Variants in EPHA6 observed in about 807,000 individuals in gnomAD.
EPHA6 encodes the protein EPH receptor A6, also known as ephrin type-A receptor 6.
A neutral mutation model predicts 112.0 loss-of-function variants in EPHA6; 50 were observed. That is an observed-to-expected ratio of 0.45 (90% CI 0.36 to 0.56). The LOEUF (loss-of-function observed/expected upper bound fraction) is 0.56, where lower values mean the gene tolerates loss of function less well. Among genes scored for constraint, EPHA6 ranks in the 20% least tolerant of loss-of-function variants. The pLI, the probability that EPHA6 is intolerant of heterozygous loss-of-function variation, is 0.00. For missense variants in EPHA6, 1,280 were observed against 1,417.4 expected, an observed-to-expected ratio of 0.90 and a Z score of 1.56; for synonymous variants, 529 against 490.7, an observed-to-expected ratio of 1.08 and a Z score of -1.03.
At chr3:97,237,059 A>G (rs748272510) in intron 4 of EPHA6, among the ~76,000 whole-genome samples, 1 of 151,850 alleles carries the variant, frequency 6.6e-6, no homozygotes, top group African/African-American at 2.4e-5. Flanking sequence ...CCATCTCACA[A>G]CTGAAATTCA....
chr3:96,857,653 AT>A (rs145710317), intron 1 of EPHA6, among the ~76,000 whole-genome samples: 4,255 of 151,912 alleles, frequency 0.028, 192 homozygotes, highest in African/African-American at 0.095. Flanking sequence ...TTGTCTTAAT[AT>A]TTTTTTTAAG....
chr3:97,455,957 A>G (rs1269821929), intron 7 of EPHA6, among the ~76,000 whole-genome samples: 1 of 152,086 alleles, frequency 6.6e-6, no homozygotes, highest in Non-Finnish European at 1.5e-5. Context: ...AGACCTTAAT[A>G]TGAAAAATAT....
intron 2 of EPHA6, among the ~76,000 whole-genome samples, chr3:96,937,653 T>G (rs1381208008): frequency 5.3e-5 from 8 of 152,202 alleles, no homozygotes; most frequent in Non-Finnish European, 1.0e-4. Flanking sequence ...TGTCATTGCT[T>G]GTGGTGTTTT....
At chr3:96,920,647 G>A (rs528828207) in intron 2 of EPHA6, among the ~76,000 whole-genome samples, 298 of 152,018 alleles carry the variant, frequency 2.0e-3, no homozygotes, top group African/African-American at 6.8e-3. Context: ...AGGATTGTGT[G>A]TGTGTGTATG....
In EPHA6 at chr3:97,629,221, C is replaced by T. The variant is rs184423742; in HGVS notation, c.2575-8652C>T. Among the ~76,000 whole-genome samples, 382 of 152,122 alleles carry T rather than the reference C, an allele frequency of 2.5e-3. 3 individuals carry two copies. The highest frequency in any genetic ancestry group is 9.0e-3 in the African/African-American group (374 of 41,532). On this transcript the variant is annotated intron_variant, in intron 13 of 17. Transcript: ENST00000389672. ...GGGATTAGAGATGTGAGCCACCATG[C>T]CTGGCCAACTGTTTTTAAGCCATAA...
At chr3:97,629,028 G>T (rs1004897125) in intron 13 of EPHA6, among the ~76,000 whole-genome samples, 1 of 151,880 alleles carries the variant, frequency 6.6e-6, no homozygotes, top group African/African-American at 2.4e-5. Context: ...AAACTTCTGG[G>T]CTTGAAATTC....
At chr3:96,913,210 A>ACACC (rs1553728909) in intron 2 of EPHA6, among the ~76,000 whole-genome samples, 19 of 117,532 alleles carry the variant, frequency 1.6e-4, no homozygotes, top group Non-Finnish European at 3.1e-4. Flanking sequence ...ACACACACAC[A>ACACC]CACCACACAC....
chr3:97,637,302 ACT>A (rs2093955031), intron 13 of EPHA6, among the ~76,000 whole-genome samples: 1 of 149,436 alleles, frequency 6.7e-6, no homozygotes, highest in Non-Finnish European at 1.5e-5. Flanking sequence ...AAAATGGAAA[ACT>A]CTATTTCTTT....
rs1194653518 is a variant in EPHA6 at position 96,938,115 on chromosome 3, T to G, written c.451-49215T>G. Among the ~76,000 whole-genome samples, 6 of 151,518 alleles carry G rather than the reference T, an allele frequency of 4.0e-5. No homozygotes were observed. In the South Asian group the frequency reaches 1.0e-3, roughly 26 times the overall value. ...GGCTCTTTTTTGGTTCCATATGAAC[T>G]TTAAAGTAGTTTTTTCCAATTCTGT... On this transcript the variant is annotated intron_variant, in intron 2 of 17. Coordinates refer to ENST00000389672, the MANE Select transcript of EPHA6 (RefSeq NM_001080448.3).
At position 97,605,782 on chromosome 3, in the gene EPHA6, G is replaced by C. The variant is rs185795348; in HGVS notation, c.2513-5011G>C. ...AGAATAGTTTAATTCTGTGAAAAAT[G>C]AGGTTGGTAATTTGATGGGAATAAC... On this transcript the variant is annotated intron_variant, in intron 12 of 17. Transcript: ENST00000389672. 1.8e-3 allele frequency among the ~76,000 whole-genome samples: 279 copies of C among 151,680 alleles called. 1 individual carries two copies. The highest frequency in any genetic ancestry group is 6.5e-3 in the African/African-American group (268 of 41,494).
intron 2 of EPHA6, among the ~76,000 whole-genome samples, chr3:96,970,708 G>A (rs1316452861): frequency 1.3e-5 from 2 of 152,084 alleles, no homozygotes; most frequent in African/African-American, 2.4e-5. Flanking sequence ...CAACGTCCTT[G>A]TCCTAACAGA....
At chr3:97,267,555 GA>G (rs545647673) in intron 5 of EPHA6, among the ~76,000 whole-genome samples, 1 of 151,754 alleles carries the variant, frequency 6.6e-6, no homozygotes, top group African/African-American at 2.4e-5. Context: ...ATGCATAAAC[GA>G]AAAAAATCTT....
intron 2 of EPHA6, among the ~76,000 whole-genome samples, chr3:96,902,306 T>C (rs1002689420): frequency 2.0e-5 from 3 of 152,172 alleles, no homozygotes; most frequent in Non-Finnish European, 4.4e-5. Context: ...AAACAGAAAG[T>C]ATTTAAAACA....
intron 2 of EPHA6, among the ~76,000 whole-genome samples, chr3:96,922,172 G>C (rs1437824550): frequency 1.3e-5 from 2 of 152,096 alleles, no homozygotes; most frequent in African/African-American, 4.8e-5. Flanking sequence ...TTCATTTTCT[G>C]GTAGGAACTC....
intron 3 of EPHA6, among the ~76,000 whole-genome samples, chr3:97,048,907 G>A (rs2045597503): frequency 6.6e-6 from 1 of 152,208 alleles, no homozygotes; most frequent in Non-Finnish European, 1.5e-5. Flanking sequence ...GCAGGGGGAT[G>A]TGCAGTTTTA....
intron 14 of EPHA6, among the ~76,000 whole-genome samples, chr3:97,663,469 T>C (rs1385648915): frequency 6.6e-6 from 1 of 151,880 alleles, no homozygotes; most frequent in Non-Finnish European, 1.5e-5. Flanking sequence ...TATCTCCTAA[T>C]GCTATCGCTC....
intron 5 of EPHA6, among the ~76,000 whole-genome samples, chr3:97,375,135 C>T (rs1047953682): frequency 6.6e-6 from 1 of 152,110 alleles, no homozygotes; most frequent in Non-Finnish European, 1.5e-5. Flanking sequence ...CAAAACCTGC[C>T]AGCTCATGAA....
intron 3 of EPHA6, among the ~76,000 whole-genome samples, chr3:97,032,520 C>A (rs1232217903): frequency 6.6e-6 from 1 of 150,820 alleles, no homozygotes. Context: ...AAATATGAGT[C>A]ACTATCTTAA....
chr3:96,865,598 C>A (rs2107449397), intron 1 of EPHA6, among the ~76,000 whole-genome samples: 1 of 150,952 alleles, frequency 6.6e-6, no homozygotes, highest in East Asian at 2.0e-4. Context: ...AGGGGGATCG[C>A]CTTGAGTCTA....
Sources: allele counts gnomAD v4.1 joint callset (sites outside exome capture counted in the v4.1 genomes callset), GRCh38; gene constraint gnomAD v4.1.1; transcripts MANE v1.5; gene names NCBI Gene and HGNC (gene_info 2026-07-23, HGNC 2026-07-21).